MGAT4C: variants seen among roughly 807,000 people sequenced by gnomAD.
MGAT4C encodes the protein alpha-1,3-mannosyl-glycoprotein 4-beta-N-acetylglucosaminyltransferase C.
A neutral mutation model predicts 40.1 loss-of-function variants in MGAT4C; 19 were observed. That is an observed-to-expected ratio of 0.47 (90% CI 0.33 to 0.70). The LOEUF (loss-of-function observed/expected upper bound fraction) is 0.70, where lower values mean the gene tolerates loss of function less well. MGAT4C is among the 30% of genes least tolerant of loss of function. MGAT4C has a pLI of 0.02. For synonymous variants in MGAT4C, 181 were observed against 187.1 expected (o/e 0.97, Z 0.27); for missense variants, 491 against 563.2 (o/e 0.87, Z 1.30).
chr12:85,991,980 C>T (rs2136729648), intron 2 of MGAT4C, among the ~76,000 whole-genome samples: 1 of 152,246 alleles, frequency 6.6e-6, no homozygotes, highest in East Asian at 1.9e-4. Flanking sequence ...CCTACCTTTT[C>T]AAAGGGCAGA....
chr12:86,766,698 C>T (rs1401537686), intron 1 of MGAT4C, among the ~76,000 whole-genome samples: 1 of 151,934 alleles, frequency 6.6e-6, no homozygotes, highest in Non-Finnish European at 1.5e-5. Context: ...CAAACTAGAA[C>T]TCAAGATTAA....
intron 4 of MGAT4C, among the ~76,000 whole-genome samples, chr12:86,296,664 C>A (rs1953686841): frequency 6.6e-6 from 1 of 152,226 alleles, no homozygotes; most frequent in East Asian, 1.9e-4. Context: ...CCCCTCACTG[C>A]CTGGGGCCCG....
At chr12:86,301,129 T>C (rs143112504) in intron 4 of MGAT4C, among the ~76,000 whole-genome samples, 466 of 152,276 alleles carry the variant, frequency 3.1e-3, no homozygotes, top group African/African-American at 0.01. Flanking sequence ...CTTTAACTCA[T>C]TCACGCCCAG....
chr12:86,069,021 TTGGAC>T (rs1894829846), intron 1 of MGAT4C, among the ~76,000 whole-genome samples: 1 of 152,130 alleles, frequency 6.6e-6, no homozygotes, highest in African/African-American at 2.4e-5. Context: ...TTGTTAAAAA[TTGGAC>T]TGGTTTGTCC....
At chr12:86,015,921 C>T (rs1889043969) in intron 2 of MGAT4C, 1 of 152,068 alleles carries the variant, frequency 6.6e-6, no homozygotes, top group Non-Finnish European at 1.5e-5. Context: ...TATACAATTC[C>T]AAATAAATGG....
At chr12:86,400,750 T>C (rs1956341419) in intron 3 of MGAT4C, among the ~76,000 whole-genome samples, 1 of 152,152 alleles carries the variant, frequency 6.6e-6, no homozygotes, top group Non-Finnish European at 1.5e-5. Flanking sequence ...TTTTGTAAAG[T>C]TAGTGATGGA....
rs1963185909 is a variant in MGAT4C at position 86,635,316 on chromosome 12, TA to T, written c.-229+91892del. ...GGTTGCTGGGGTAAGAAAAGTTAAT[TA>T]AACCTGTGACCATTCTCAAACAAGT... On this transcript the variant is annotated intron_variant, in intron 2 of 7. Coordinates refer to the MGAT4C transcript ENST00000548651. 3.9e-5 allele frequency among the ~76,000 whole-genome samples: 6 copies of T among 152,178 alleles called. No individual in the cohort carries two copies. In the South Asian group the frequency reaches 1.2e-3, roughly 32 times the overall value.
intron 1 of MGAT4C, among the ~76,000 whole-genome samples, chr12:86,123,800 T>C (rs928145731): frequency 3.3e-5 from 5 of 152,086 alleles, no homozygotes; most frequent in Admixed American, 3.3e-4. Context: ...CATTTAAGAA[T>C]TTTTTGAAAT....
intron 3 of MGAT4C, among the ~76,000 whole-genome samples, chr12:86,429,871 C>T (rs980651707): frequency 2.6e-5 from 4 of 152,052 alleles, no homozygotes; most frequent in African/African-American, 9.7e-5. Flanking sequence ...GTTTTCTGGC[C>T]TTTATTATTA....
Position 86,443,686 on chromosome 12 carries a change from T to G in MGAT4C, c.-228-8421A>C, listed in dbSNP as rs142432005. Among the ~76,000 whole-genome samples, 12 of 152,262 alleles carry G rather than the reference T, an allele frequency of 7.9e-5. No homozygotes were observed. In the East Asian group the frequency reaches 2.3e-3, roughly 30 times the overall value. The stretch of plus-strand genomic sequence containing the variant: ...TCGGCTCACTGCAAGCTCTTCCTCT[T>G]GGGTTCACACCATTCTCCCGCCTCA... On this transcript the variant is annotated intron_variant, in intron 2 of 7. Coordinates refer to the MGAT4C transcript ENST00000548651.
chr12:86,066,259 G>A (rs748894897), intron 1 of MGAT4C, among the ~76,000 whole-genome samples: 9 of 151,782 alleles, frequency 5.9e-5, no homozygotes, highest in African/African-American at 1.2e-4. Context: ...CAAGACAATC[G>A]TAAGCAAAAA....
intron 1 of MGAT4C, among the ~76,000 whole-genome samples, chr12:86,109,554 GTAT>G (rs1455346877): frequency 1.3e-5 from 2 of 151,844 alleles, no homozygotes; most frequent in African/African-American, 2.4e-5. Context: ...TGTTATGTCA[GTAT>G]TATTATTATC....
intron 2 of MGAT4C, among the ~76,000 whole-genome samples, chr12:86,024,303 C>G (rs1209250732): frequency 6.8e-6 from 1 of 147,920 alleles, no homozygotes; most frequent in African/African-American, 2.6e-5. Context: ...ATTTTTTTTT[C>G]TATTTCAAAA....
At chr12:86,110,290 T>C (rs1161785203) in intron 1 of MGAT4C, among the ~76,000 whole-genome samples, 1 of 20,552 alleles carries the variant, frequency 4.9e-5, no homozygotes, top group African/African-American at 1.9e-4. Context: ...TCTATATATA[T>C]ATAGTCTCTC....
At chr12:86,335,896 A>G (rs1391788825) in intron 3 of MGAT4C, among the ~76,000 whole-genome samples, 2 of 152,060 alleles carry the variant, frequency 1.3e-5, no homozygotes, top group African/African-American at 2.4e-5. Context: ...GTCCATATAT[A>G]CCTCTAAAGA....
chr12:86,151,176 A>T (rs1455906830), intron 1 of MGAT4C, among the ~76,000 whole-genome samples: 1 of 152,232 alleles, frequency 6.6e-6, no homozygotes, highest in Admixed American at 6.5e-5. Context: ...CCTAAGATTC[A>T]GTCAAAAGCC....
intron 3 of MGAT4C, among the ~76,000 whole-genome samples, chr12:86,368,980 A>G (rs1566329752): frequency 6.6e-6 from 1 of 151,888 alleles, no homozygotes; most frequent in Non-Finnish European, 1.5e-5. Context: ...GAAGTTTCCT[A>G]CTAGTATTGT....
At chr12:86,057,752 C>G (rs1378079981) in intron 1 of MGAT4C, among the ~76,000 whole-genome samples, 5 of 152,134 alleles carry the variant, frequency 3.3e-5, no homozygotes, top group African/African-American at 1.2e-4. Context: ...GTTTGGAATA[C>G]AGTAGATCTT....
rs113671767 is a variant in MGAT4C, at chr12:86,491,102, T to C, written c.-228-55837A>G. On this transcript the variant is annotated intron_variant, in intron 2 of 7. Transcript: ENST00000548651. ...CAGAACTCTCTAAACCAGGAAGAAG[T>C]TGAATCTCTGAATAGACCAATAACA... is the stretch of plus-strand genomic sequence containing the variant. Among the ~76,000 whole-genome samples, 499 of 152,004 alleles carry C rather than the reference T, an allele frequency of 3.3e-3. 2 individuals carry two copies. Among genetic ancestry groups the C allele is most frequent in the African/African-American group, 0.012 (482 of 41,474 alleles).
Sources: gnomAD v4.1 joint callset for allele counts (sites outside exome capture counted in the v4.1 genomes callset) on GRCh38, gnomAD v4.1.1 for gene constraint, MANE v1.5 for transcripts, NCBI Gene and HGNC (gene_info 2026-07-23, HGNC 2026-07-21) for gene names.